The following VTCN1 variants were observed in gnomAD, a reference collection of about 807,000 sequenced individuals.
VTCN1 encodes V-set domain-containing T-cell activation inhibitor 1.
Under a neutral mutation model 26.5 loss-of-function variants are expected in VTCN1, and 26 were observed. The ratio of observed to expected loss-of-function variants is 0.98; its 90% CI spans 0.72 to 1.36. The LOEUF is 1.36. VTCN1 is among the 40% of genes most tolerant of loss of function. The pLI, the probability that VTCN1 is intolerant of heterozygous loss-of-function variation, is 0.00. For missense variants in VTCN1, 298 were observed against 337.7 expected (o/e 0.88, Z 0.92); for synonymous variants, 116 against 130.7 (o/e 0.89, Z 0.77).
intron 1 of VTCN1, among the ~76,000 whole-genome samples, chr1:117,201,298 C>T (rs544517351): frequency 3.3e-5 from 5 of 152,248 alleles, no homozygotes. Context: ...ACTGTCATAG[C>T]CCAAGAGAAT....
intron 1 of VTCN1, among the ~76,000 whole-genome samples, chr1:117,207,195 C>A (rs1187992464): frequency 6.6e-6 from 1 of 152,170 alleles, no homozygotes; most frequent in East Asian, 1.9e-4. Context: ...GTCCCAGGAT[C>A]CCTCATTCTC....
At chr1:117,198,341 C>A (rs552068319) in intron 1 of VTCN1, among the ~76,000 whole-genome samples, 2 of 152,174 alleles carry the variant, frequency 1.3e-5, no homozygotes, top group African/African-American at 4.8e-5. Context: ...ATGTGAATGA[C>A]AGACAAGCCT....
intron 1 of VTCN1, among the ~76,000 whole-genome samples, chr1:117,205,842 G>A (rs1395349160): frequency 1.3e-5 from 2 of 152,160 alleles, no homozygotes; most frequent in Non-Finnish European, 2.9e-5. Flanking sequence ...CTATGAGACA[G>A]TTTAGCTAGT....
intron 1 of VTCN1, among the ~76,000 whole-genome samples, chr1:117,177,929 T>G (rs1427303590): frequency 6.6e-6 from 1 of 151,370 alleles, no homozygotes; most frequent in African/African-American, 2.4e-5. Context: ...TTCTTTTTTT[T>G]TTTTTTTTTG....
At chr1:117,173,080 C>A (rs545327893) in intron 1 of VTCN1, 2 of 700,624 alleles carry the variant, frequency 2.9e-6, no homozygotes, top group Non-Finnish European at 5.3e-6. Flanking sequence ...CGTGAAGGAC[C>A]GCAGCTTCAT....
chr1:117,173,176 G>GT, intron 1 of VTCN1: 1 of 716,556 alleles, frequency 1.4e-6, no homozygotes, highest in East Asian at 2.7e-5. Context: ...TTTAAGAGCT[G>GT]TAACACTCAC....
chr1:117,203,823 C>T (rs537283199), intron 1 of VTCN1: 1 of 977,060 alleles, frequency 1.0e-6, no homozygotes, highest in South Asian at 4.7e-5. Context: ...TCTTGTTACG[C>T]CACAGATTAC....
At chr1:117,202,566 CA>C in intron 1 of VTCN1, among the ~76,000 whole-genome samples, 3 of 152,296 alleles carry the variant, frequency 2.0e-5, no homozygotes, top group Admixed American at 2.0e-4. Flanking sequence ...GGACAAAATC[CA>C]TCTAGAGTAA....
chr1:117,170,411 C>T lies in VTCN1; in HGVS notation c.33-240G>A. 3 of 584,500 alleles carry T rather than the reference C, an allele frequency of 5.1e-6. No homozygotes were observed. In the Admixed American group the frequency reaches 6.4e-5, roughly 12 times the overall value. 36.2% of individuals were successfully genotyped at this position (584,500 alleles called of 1,614,324 possible). A position where few individuals can be genotyped will look rare whatever the true frequency, so the allele number is the denominator to read the frequency against. On this transcript the variant is annotated intron_variant, in intron 1 of 5. Coordinates refer to ENST00000369458, the MANE Select transcript of VTCN1 (RefSeq NM_024626.4). Reference sequence around the variant, plus strand: ...GAGTGACCCTTGCCTCTGACTGTGCCATTTACTGTCCTATTTCCAGATCAG... The same window carrying T: ...GAGTGACCCTTGCCTCTGACTGTGCTATTTACTGTCCTATTTCCAGATCAG...
At chr1:117,156,269 T>C (rs1570942517) in intron 3 of VTCN1, among the ~76,000 whole-genome samples, 1 of 152,356 alleles carries the variant, frequency 6.6e-6, no homozygotes. Flanking sequence ...CAGGCTAGGC[T>C]GCTCTTATTA....
At position 117,169,454 on chromosome 1, in the gene VTCN1, G is replaced by A. The variant is rs1252013872; in HGVS notation, c.97+653C>T. Among the ~76,000 whole-genome samples, 5 of 152,178 alleles carry A rather than the reference G, an allele frequency of 3.3e-5. No homozygotes were observed. The highest frequency in any genetic ancestry group is 2.1e-4 in the South Asian group (1 of 4,828). ...AAGAAATCATCTACCCAGGCCAACC[G>A]CTGACAGAATGGCTCAGAGGCAGCA... On this transcript the variant is annotated intron_variant, in intron 2 of 5. Transcript: ENST00000369458. The surrounding 1 kb of genome is among the most constrained non-coding windows in gnomAD (Gnocchi z 4.0).
At chr1:117,202,540 T>C (rs894205291) in intron 1 of VTCN1, among the ~76,000 whole-genome samples, 3 of 152,254 alleles carry the variant, frequency 2.0e-5, no homozygotes, top group Non-Finnish European at 4.4e-5. Context: ...ACCGGAACAG[T>C]ATCTTGGTAT....
At chr1:117,209,184 G>A (rs1446176540) in intron 1 of VTCN1, among the ~76,000 whole-genome samples, 1 of 152,208 alleles carries the variant, frequency 6.6e-6, no homozygotes, top group East Asian at 1.9e-4. Flanking sequence ...AGTCTCTGTT[G>A]ATTCCAGTGG....
At position 117,146,980 on chromosome 1, in the gene VTCN1, C is replaced by T. The variant is rs540647659; in HGVS notation, c.*45+633G>A. Among the ~76,000 whole-genome samples the T allele has an allele frequency of 2.6e-5, 4 of 152,136 alleles. No individual in the cohort carries two copies. The highest frequency in any genetic ancestry group is 2.1e-4 in the South Asian group (1 of 4,812). On this transcript the variant is annotated intron_variant, in intron 5 of 5. Coordinates refer to ENST00000369458, the MANE Select transcript of VTCN1 (RefSeq NM_024626.4). The surrounding 1 kb of genome is among the most constrained non-coding windows in gnomAD (Gnocchi z 4.2). The stretch of plus-strand genomic sequence containing the variant: ...TAGGGGTTGATAAGAAATTGACATG[C>T]GGGACAGAGGGGAGACAAAAATAGC...
chr1:117,166,262 T>C (rs1364485714), intron 2 of VTCN1, among the ~76,000 whole-genome samples: 2 of 152,108 alleles, frequency 1.3e-5, no homozygotes, highest in African/African-American at 4.8e-5. Context: ...AGTTATGATA[T>C]TGTGAAAATT....
chr1:117,172,836 G>T (rs1652994957), intron 1 of VTCN1, among the ~76,000 whole-genome samples: 1 of 135,870 alleles, frequency 7.4e-6, no homozygotes, highest in African/African-American at 2.6e-5. Flanking sequence ...TCAGCACTCT[G>T]TATTTAGCTA....
At chr1:117,205,550 A>G (rs192577364) in intron 1 of VTCN1, among the ~76,000 whole-genome samples, 1 of 152,178 alleles carries the variant, frequency 6.6e-6, no homozygotes, top group East Asian at 1.9e-4. Context: ...CAGACCAACA[A>G]TCCACAGGCT....
chr1:117,203,255 G>A (rs1005037066), intron 1 of VTCN1, among the ~76,000 whole-genome samples: 1 of 152,044 alleles, frequency 6.6e-6, no homozygotes, highest in Admixed American at 6.6e-5. Context: ...GTGGGGAGAA[G>A]GGATGGGGGT....
chr1:117,191,133 C>T (rs1297816339), intron 1 of VTCN1, among the ~76,000 whole-genome samples: 3 of 152,012 alleles, frequency 2.0e-5, no homozygotes, highest in African/African-American at 2.4e-5. Flanking sequence ...AGAACAGAAA[C>T]ATTTGATAGA....
Sources: gnomAD v4.1 joint callset for allele counts (sites outside exome capture counted in the v4.1 genomes callset) on GRCh38, gnomAD v4.1.1 for gene constraint, Gnocchi (gnomAD v3.1) non-coding constraint, MANE v1.5 for transcripts, NCBI Gene and HGNC (gene_info 2026-07-23, HGNC 2026-07-21) for gene names.